Variants in NRXN3 observed in about 807,000 individuals in gnomAD.
The protein encoded by NRXN3 is neurexin 3.
A neutral mutation model predicts 137.6 loss-of-function variants in NRXN3; 32 were observed. That is an observed-to-expected ratio of 0.23 (90% CI 0.18 to 0.31). The LOEUF (loss-of-function observed/expected upper bound fraction) is 0.31, where lower values mean the gene tolerates loss of function less well. NRXN3 is among the 10% of genes least tolerant of loss of function. NRXN3 has a pLI of 1.00. For missense variants in NRXN3, 1,574 were observed against 2,062.5 expected, an observed-to-expected ratio of 0.76 and a Z score of 4.59; for synonymous variants, 798 against 784.5, an observed-to-expected ratio of 1.02 and a Z score of -0.29.
chr14:79,506,311 A>G (rs2096878011), intron 16 of NRXN3, among the ~76,000 whole-genome samples: 1 of 152,210 alleles, frequency 6.6e-6, no homozygotes, highest in Non-Finnish European at 1.5e-5. Flanking sequence ...CTACCACTTT[A>G]CCTGAACATA....
At chr14:78,248,156 C>T (rs1596343375) in intron 2 of NRXN3, among the ~76,000 whole-genome samples, 2 of 152,168 alleles carry the variant, frequency 1.3e-5, no homozygotes, top group South Asian at 2.1e-4. Context: ...AGACCAGAAG[C>T]GGTTTGTCTC....
intron 1 of NRXN3, among the ~76,000 whole-genome samples, chr14:78,216,765 C>A (rs1323032079): frequency 6.6e-6 from 1 of 152,216 alleles, no homozygotes; most frequent in African/African-American, 2.4e-5. Flanking sequence ...AAGGTGTTGG[C>A]AGGGCCACGG....
intron 16 of NRXN3, among the ~76,000 whole-genome samples, chr14:79,577,274 A>T (rs1029499960): frequency 3.3e-5 from 5 of 152,154 alleles, no homozygotes; most frequent in African/African-American, 1.2e-4. Context: ...AGAACAGACA[A>T]ATACACTGTT....
intron 8 of NRXN3, among the ~76,000 whole-genome samples, chr14:78,738,370 A>G (rs1323234160): frequency 6.6e-6 from 1 of 152,140 alleles, no homozygotes; most frequent in Non-Finnish European, 1.5e-5. Context: ...CCGTTCGAGG[A>G]ATGAGTCTCA....
intron 6 of NRXN3, among the ~76,000 whole-genome samples, chr14:78,669,649 GCTTTTTCC>G (rs1414450371): frequency 1.3e-5 from 2 of 151,948 alleles, no homozygotes; most frequent in African/African-American, 4.8e-5. Flanking sequence ...TTGCTTCATT[GCTTTTTCC>G]CTTTTTCTGG....
chr14:79,031,602 A>G (rs2038309106), intron 15 of NRXN3, among the ~76,000 whole-genome samples: 1 of 152,156 alleles, frequency 6.6e-6, no homozygotes, highest in African/African-American at 2.4e-5. Flanking sequence ...GAAAGTGAGA[A>G]TCGTAATATA....
At chr14:79,659,728 T>C (rs2098523986) in intron 16 of NRXN3, among the ~76,000 whole-genome samples, 2 of 152,076 alleles carry the variant, frequency 1.3e-5, no homozygotes, top group African/African-American at 4.8e-5. Flanking sequence ...CCTCTTTCCC[T>C]CCACACATCT....
intron 4 of NRXN3, among the ~76,000 whole-genome samples, chr14:78,441,131 T>C (rs951269013): frequency 3.9e-5 from 6 of 152,144 alleles, no homozygotes; most frequent in African/African-American, 9.7e-5. Context: ...GAGTAGTTGA[T>C]GGCTAGATCA....
At chr14:79,085,806 G>T (rs2047985332) in intron 15 of NRXN3, among the ~76,000 whole-genome samples, 1 of 152,176 alleles carries the variant, frequency 6.6e-6, no homozygotes, top group South Asian at 2.1e-4. Context: ...ATTCATATTG[G>T]AGTTTTCTAG....
intron 10 of NRXN3, among the ~76,000 whole-genome samples, chr14:78,871,995 T>C (rs900817070): frequency 3.9e-5 from 6 of 152,100 alleles, no homozygotes; most frequent in African/African-American, 1.4e-4. Context: ...AAGGAAACAA[T>C]AAAACAGAAA....
intron 15 of NRXN3, among the ~76,000 whole-genome samples, chr14:79,299,734 G>A (rs191377943): frequency 1.3e-5 from 2 of 152,174 alleles, no homozygotes; most frequent in East Asian, 1.9e-4. Context: ...GGAATCTTGG[G>A]TGTGACAGAC....
At chr14:79,143,730 T>C in intron 15 of NRXN3, among the ~76,000 whole-genome samples, 1 of 152,220 alleles carries the variant, frequency 6.6e-6, no homozygotes, top group South Asian at 2.1e-4. Flanking sequence ...TTTGGAGACA[T>C]TTGATACAAA....
intron 16 of NRXN3, among the ~76,000 whole-genome samples, chr14:79,511,741 A>G (rs2096934434): frequency 6.6e-6 from 1 of 152,118 alleles, no homozygotes; most frequent in Non-Finnish European, 1.5e-5. Flanking sequence ...TCCAAATCCT[A>G]TGTTTTCTCT....
At chr14:79,838,545 A>G (rs2099349135) in intron 20 of NRXN3, among the ~76,000 whole-genome samples, 2 of 152,228 alleles carry the variant, frequency 1.3e-5, no homozygotes, top group African/African-American at 2.4e-5. Context: ...CACAAGCAAT[A>G]TGTCAGCACC....
chr14:79,444,712 C>T (rs1368103093), intron 15 of NRXN3, among the ~76,000 whole-genome samples: 1 of 152,156 alleles, frequency 6.6e-6, no homozygotes, highest in Non-Finnish European at 1.5e-5. Flanking sequence ...CCTGTAGTCC[C>T]AGCTACTTGG....
intron 20 of NRXN3, among the ~76,000 whole-genome samples, chr14:79,846,834 A>G (rs1484172746): frequency 1.3e-5 from 2 of 152,194 alleles, no homozygotes; most frequent in African/African-American, 2.4e-5. Flanking sequence ...ACTAATAATC[A>G]TTCAAATGTT....
At chr14:79,056,396 T>A (rs1186072575) in intron 15 of NRXN3, among the ~76,000 whole-genome samples, 1 of 152,136 alleles carries the variant, frequency 6.6e-6, no homozygotes, top group African/African-American at 2.4e-5. Flanking sequence ...TCCGTGCATT[T>A]TTTTTTTCAT....
At chr14:79,257,353 TG>T (rs2076727241) in intron 15 of NRXN3, among the ~76,000 whole-genome samples, 1 of 100,162 alleles carries the variant, frequency 1.0e-5, no homozygotes, top group African/African-American at 4.0e-5. Context: ...CTGGTGGTGG[TG>T]GTGGTGGTGG....
chr14:79,280,583 C>T, intron 15 of NRXN3: 1 of 1,538,166 alleles, frequency 6.5e-7, no homozygotes, highest in Non-Finnish European at 8.9e-7. Flanking sequence ...CATAGCAATT[C>T]GCTAACCCAC....
Sources: allele counts gnomAD v4.1 joint callset (sites outside exome capture counted in the v4.1 genomes callset), GRCh38; gene constraint gnomAD v4.1.1; transcripts MANE v1.5; gene names NCBI Gene and HGNC (gene_info 2026-07-23, HGNC 2026-07-21).